The following CROCC2 variants were observed in gnomAD, a reference collection of about 807,000 sequenced individuals.
CROCC2 encodes ciliary rootlet coiled-coil, rootletin family member 2.
Under a neutral mutation model 177.6 loss-of-function variants are expected in CROCC2, and 163 were observed. That is an observed-to-expected ratio of 0.92 (90% confidence interval 0.81 to 1.05). The LOEUF (loss-of-function observed/expected upper bound fraction) is 1.05, where lower values mean the gene tolerates loss of function less well. CROCC2 is among the 50% of genes least tolerant of loss of function. The probability of loss-of-function intolerance (pLI) is 0.00; values close to 1 mark genes in which losing one functional copy is unlikely to be tolerated. For missense variants in CROCC2, 1,929 were observed against 1,797.8 expected (o/e 1.07, Z -1.32); for synonymous variants, 904 against 787.3 (o/e 1.15, Z -2.48).
Position 240,950,453 on chromosome 2 carries a change from G to A in CROCC2, c.2772G>A (p.Gln924=). 2 of 1,550,284 alleles carry A rather than the reference G, an allele frequency of 1.3e-6. No homozygotes were observed. Among genetic ancestry groups the A allele is most frequent in the Non-Finnish European group, 1.7e-6 (2 of 1,146,830 alleles). ...AEREALKGEI[Q]SLKQERDESL... ...GGGAGGCTCTGAAGGGGGAAATTCA[G>A]AGCCTGAAGCAGGAGCGGGACGAGA... Residue 924 remains glutamine (Q), a synonymous_variant, in exon 18 of 32, where the codon CAG becomes CAA. Transcript: ENST00000690015.
intron 1 of CROCC2, among the ~76,000 whole-genome samples, chr2:240,908,075 G>C (rs71363923): frequency 1.1e-3 from 1 of 906 alleles, no homozygotes; most frequent in Non-Finnish European, 2.4e-3. Flanking sequence ...CCTGGGGTGA[G>C]CTCTACCTCC....
At chr2:240,975,787 T>C (rs2059757927) in intron 27 of CROCC2, among the ~76,000 whole-genome samples, 1 of 143,182 alleles carries the variant, frequency 7.0e-6, no homozygotes, top group Non-Finnish European at 1.5e-5. Flanking sequence ...TGGAGTGCAG[T>C]GGCACGGTCT....
intron 1 of CROCC2, among the ~76,000 whole-genome samples, chr2:240,912,644 G>GT (rs1310457905): frequency 6.6e-6 from 1 of 152,196 alleles, no homozygotes; most frequent in African/African-American, 2.4e-5. Context: ...GTGGTTTAGG[G>GT]TTTTTATGGA....
intron 18 of CROCC2, 174 bp downstream of exon 18, chr2:240,950,684 C>T (rs2059549523): frequency 1.6e-6 from 1 of 621,274 alleles, no homozygotes; most frequent in East Asian, 3.0e-5. Flanking sequence ...CCTATCTGTT[C>T]ATCCAGCCAT....
At chr2:240,965,608 C>T (rs760630977) in intron 23 of CROCC2, 28 bp from the exon 24 acceptor site, 23 of 1,549,750 alleles carry the variant, frequency 1.5e-5, no homozygotes, top group East Asian at 2.4e-5. Context: ...CTGTCTCCCA[C>T]GGGCGCACCC....
intron 28 of CROCC2, among the ~76,000 whole-genome samples, chr2:240,987,686 G>A (rs1251675514): frequency 6.6e-6 from 1 of 152,232 alleles, no homozygotes; most frequent in Non-Finnish European, 1.5e-5. Flanking sequence ...CCAATCCTGG[G>A]CCAGGGCCAG....
At chr2:240,967,494 C>T in intron 26 of CROCC2, 29 bp downstream of exon 26, 1 of 1,547,718 alleles carries the variant, frequency 6.5e-7, no homozygotes, top group Non-Finnish European at 8.7e-7. Flanking sequence ...CCCCGCCCAC[C>T]CTGGGAGTGG....
At chr2:240,963,430 C>G in intron 20 of CROCC2, 126 bp from the exon 21 acceptor site, 1 of 1,001,900 alleles carries the variant, frequency 1.0e-6, no homozygotes, top group Non-Finnish European at 1.4e-6. Context: ...GTGAGCAAAG[C>G]GCATGGGGAC....
At chr2:240,975,362 C>T (rs1284501597) in intron 27 of CROCC2, among the ~76,000 whole-genome samples, 1 of 152,232 alleles carries the variant, frequency 6.6e-6, no homozygotes, top group Non-Finnish European at 1.5e-5. Context: ...TATCTGAGGA[C>T]TGTCCAGAGC....
At chr2:240,925,643 G>A (rs1348731239) in intron 4 of CROCC2, 81 bp from the exon 5 acceptor site, 1 of 629,778 alleles carries the variant, frequency 1.6e-6, no homozygotes, top group East Asian at 2.7e-5. Flanking sequence ...TTCCATTCAA[G>A]CCCCTTGACT....
chr2:240,932,513 C>T lies in CROCC2; in HGVS notation c.1044+99C>T. 3 of 704,632 alleles carry T rather than the reference C, an allele frequency of 4.3e-6. No homozygotes were observed. In the South Asian group the frequency reaches 4.6e-5, roughly 11 times the overall value. The allele number at this position is 704,632 out of a possible 1,614,324, so 43.6% of individuals were successfully genotyped here. On this transcript the variant is annotated intron_variant, in intron 8 of 31. Transcript: ENST00000690015. ...GAAGCCTGGTGCGGCAGTGGACGGCCTGCAGGGCAAGGTGGGGTCCCTGCA... is the reference window on the plus strand; with the variant it reads ...GAAGCCTGGTGCGGCAGTGGACGGCTTGCAGGGCAAGGTGGGGTCCCTGCA...
chr2:240,972,166 G>A lies in CROCC2; in HGVS notation c.4401+3904G>A, dbSNP rs115948844. On this transcript the variant is annotated intron_variant, in intron 27 of 31. Coordinates refer to ENST00000690015, the MANE Select transcript of CROCC2 (RefSeq NM_001351305.2). The surrounding 1 kb of genome is among the most constrained non-coding windows in gnomAD (Gnocchi z 7.1). ...CTTTAAAGAAAGGAGTTCTGGCCTC[G>A]TTTGAAGTTGGGAGTGGAGAGGAAC... Among the ~76,000 whole-genome samples, 18 of 152,276 alleles carry A rather than the reference G, an allele frequency of 1.2e-4. No individual in the cohort carries two copies. The highest frequency in any genetic ancestry group is 3.4e-4 in the African/African-American group (14 of 41,542).
In CROCC2 at chr2:240,953,745, T is replaced by C. The variant is rs1251143137; in HGVS notation, c.2830-2114T>C. Among the ~76,000 whole-genome samples, 1 of 152,114 alleles carries C rather than the reference T, an allele frequency of 6.6e-6. No homozygotes were observed. Among genetic ancestry groups the C allele is most frequent in the African/African-American group, 2.4e-5 (1 of 41,400 alleles). On this transcript the variant is annotated intron_variant, in intron 18 of 31. Transcript: ENST00000690015. The surrounding 1 kb of genome is among the most constrained non-coding windows in gnomAD (Gnocchi z 4.0). ...CAAAACAGTCTTTGGGGATCTTATT[T>C]CTGTAATGAAGAAGAGGAATTATAT...
intron 25 of CROCC2, 71 bp from the exon 26 acceptor site, chr2:240,967,274 C>A (rs2059689896): frequency 3.5e-6 from 2 of 575,440 alleles, no homozygotes; most frequent in Middle Eastern, 4.5e-4. Flanking sequence ...TGGCCCCGAC[C>A]CTCTAGCAGA....
At chr2:240,915,538 G>A (rs763692635) in intron 1 of CROCC2, among the ~76,000 whole-genome samples, 5 of 152,222 alleles carry the variant, frequency 3.3e-5, no homozygotes, top group African/African-American at 4.8e-5. Context: ...TAACACCCAC[G>A]GTCTCTGTTT....
chr2:240,944,322 A>G (rs1048755209), intron 14 of CROCC2, among the ~76,000 whole-genome samples: 1 of 152,206 alleles, frequency 6.6e-6, no homozygotes, highest in Non-Finnish European at 1.5e-5. Context: ...TTTGGGGGTT[A>G]CAGCTCATTT....
Position 240,965,968 on chromosome 2 carries a change from G to A in CROCC2, c.3936G>A (p.Pro1312=), listed in dbSNP as rs762138178. The A allele has an allele frequency of 1.2e-5, 16 of 1,380,436 alleles. No individual in the cohort carries two copies. The highest frequency in any genetic ancestry group is 8.4e-5 in the East Asian group (3 of 35,754). 85.5% of individuals were successfully genotyped at this position (1,380,436 alleles called of 1,614,324 possible). ...GLQRQSPWAS[P]EQPGSPTKGS... ...AGAGACAGAGCCCGTGGGCCTCCCC[G>A]GAGCAGCCTGGTTCCCCCACCAAAG... Residue 1312 remains proline, a synonymous_variant, in exon 24 of 32, where the codon CCG becomes CCA. Transcript: ENST00000690015.
chr2:240,964,044 C>T, intron 21 of CROCC2: 1 of 574,066 alleles, frequency 1.7e-6, no homozygotes, highest in Non-Finnish European at 3.1e-6. Context: ...CACAGGTGGC[C>T]TCCAGGAGGT....
At chr2:240,937,015 C>T (rs1379326068) in intron 14 of CROCC2, among the ~76,000 whole-genome samples, 1 of 152,254 alleles carries the variant, frequency 6.6e-6, no homozygotes, top group African/African-American at 2.4e-5. Flanking sequence ...AGGACCAAAA[C>T]TGTGCACTCA....
Sources: gnomAD v4.1 joint callset for allele counts (sites outside exome capture counted in the v4.1 genomes callset) on GRCh38, gnomAD v4.1.1 for gene constraint, Gnocchi (gnomAD v3.1) non-coding constraint, MANE v1.5 for transcripts, NCBI Gene and HGNC (gene_info 2026-07-23, HGNC 2026-07-21) for gene names.